EDC3: variants seen among roughly 807,000 people sequenced by gnomAD.
The protein encoded by EDC3 is enhancer of mRNA decapping 3, also known as enhancer of mRNA-decapping protein 3.
EDC3 carries 20 observed loss-of-function variants against 41.8 expected under a neutral mutation model. That is an observed-to-expected ratio of 0.48 (90% CI 0.34 to 0.70). The LOEUF (loss-of-function observed/expected upper bound fraction) is 0.70, where lower values mean the gene tolerates loss of function less well. Ranked by LOEUF, EDC3 falls within the 30% of genes least tolerant of loss-of-function variation. The probability of loss-of-function intolerance (pLI) is 0.01; values close to 1 mark genes in which losing one functional copy is unlikely to be tolerated. For missense variants in EDC3, 444 were observed against 636.8 expected, an observed-to-expected ratio of 0.70 and a Z score of 3.26; for synonymous variants, 206 against 243.2, an observed-to-expected ratio of 0.85 and a Z score of 1.42.
chr15:74,667,036 C>A (rs2062683433), intron 3 of EDC3, among the ~76,000 whole-genome samples: 1 of 152,106 alleles, frequency 6.6e-6, no homozygotes, highest in African/African-American at 2.4e-5. Context: ...GTTTGATAGT[C>A]TCCCACAGGA....
At chr15:74,665,809 TTTTTTTGAGACAGAG>T (rs2062670550) in intron 3 of EDC3, among the ~76,000 whole-genome samples, 2 of 151,798 alleles carry the variant, frequency 1.3e-5, no homozygotes, top group Non-Finnish European at 2.9e-5. Flanking sequence ...TTTTTTTTTT[TTTTTTTGAGACAGAG>T]TTTTGCTTTG....
chr15:74,686,476 A>T (rs186141496), intron 1 of EDC3, among the ~76,000 whole-genome samples: 1 of 150,130 alleles, frequency 6.7e-6, no homozygotes, highest in Non-Finnish European at 1.5e-5. Flanking sequence ...AACAAGAACA[A>T]GACTCCATCT....
chr15:74,675,001 G>T lies in EDC3; in HGVS notation c.124C>A (p.His42Asn). The change falls in exon 2 of 7, where the codon CAT becomes AAT. Residue 42 changes from histidine to asparagine, a missense_variant. Coordinates refer to ENST00000315127, the MANE Select transcript of EDC3 (RefSeq NM_025083.5). ...GGAACAAGACACTTCACTCCATTAT[G>T]GAAAGGCCGGGTGAGAGAAATGGTC... ...SQTISLTRPF[H>N]NGVKCLVPEV... 1 of 1,614,162 alleles carries T rather than the reference G, an allele frequency of 6.2e-7. No individual in the cohort carries two copies. The highest frequency in any genetic ancestry group is 1.1e-5 in the South Asian group (1 of 91,090).
At chr15:74,667,669 T>C (rs185309565) in intron 3 of EDC3, among the ~76,000 whole-genome samples, 25 of 151,534 alleles carry the variant, frequency 1.6e-4, no homozygotes, top group Non-Finnish European at 3.2e-4. Context: ...AAAACTGAAA[T>C]AATTTGAGTA....
At chr15:74,693,379 C>G (rs975003062) in intron 1 of EDC3, among the ~76,000 whole-genome samples, 14 of 152,078 alleles carry the variant, frequency 9.2e-5, no homozygotes, top group Non-Finnish European at 1.9e-4. Flanking sequence ...TTTATACATG[C>G]TTCCTTCATT....
At chr15:74,659,146 AAG>A (rs1468890763) in intron 3 of EDC3, among the ~76,000 whole-genome samples, 3 of 152,124 alleles carry the variant, frequency 2.0e-5, no homozygotes, top group African/African-American at 7.2e-5. Flanking sequence ...AAATACAACC[AAG>A]ACATGCTGCT....
intron 4 of EDC3, among the ~76,000 whole-genome samples, chr15:74,649,302 A>T (rs920576737): frequency 2.6e-5 from 4 of 151,070 alleles, no homozygotes; most frequent in South Asian, 2.1e-4. Flanking sequence ...TTTTATTTTT[A>T]TTTTTTTGTA....
chr15:74,694,853 A>G (rs1327417113), intron 1 of EDC3, among the ~76,000 whole-genome samples: 1 of 152,154 alleles, frequency 6.6e-6, no homozygotes, highest in Non-Finnish European at 1.5e-5. Context: ...TATGCCAAGG[A>G]GGCTCTACCA....
rs368101711 is a variant in EDC3, at chr15:74,635,385, G to A, written c.1192+24C>T. 76 of 1,611,198 alleles carry A rather than the reference G, an allele frequency of 4.7e-5. No homozygotes were observed. In the South Asian group the frequency reaches 4.8e-4, roughly 10 times the overall value. On this transcript the variant is annotated intron_variant, in intron 6 of 6. Coordinates refer to ENST00000315127, the MANE Select transcript of EDC3 (RefSeq NM_025083.5). ...CTGCTAAGGAGGGAGGAGGCCTTCAGCCCAGCCCTGCCTAAGTGCTCACCT... is the reference window on the plus strand; with the variant it reads ...CTGCTAAGGAGGGAGGAGGCCTTCAACCCAGCCCTGCCTAAGTGCTCACCT...
At chr15:74,674,735 C>T in intron 2 of EDC3, 1 of 547,368 alleles carries the variant, frequency 1.8e-6, no homozygotes, top group South Asian at 2.2e-5. Flanking sequence ...ACAGTATAGG[C>T]CGGGCATGGT....
intron 5 of EDC3, chr15:74,636,642 T>TA (rs946186814): frequency 6.6e-6 from 1 of 152,222 alleles, no homozygotes; most frequent in African/African-American, 2.4e-5. Flanking sequence ...GATAGTCACT[T>TA]ACCGGTTTCC....
intron 4 of EDC3, among the ~76,000 whole-genome samples, chr15:74,655,298 A>G (rs994541750): frequency 1.5e-4 from 23 of 152,226 alleles, no homozygotes; most frequent in African/African-American, 5.1e-4. Flanking sequence ...TTAAAACTCT[A>G]TTTTTAGCCA....
chr15:74,633,079 C>T lies in EDC3; in HGVS notation c.1193-133G>A, dbSNP rs975178990. 7.1e-6 allele frequency: 7 copies of T among 983,738 alleles called. No homozygotes were observed. In the African/African-American group the frequency reaches 1.1e-4, roughly 16 times the overall value. The allele number at this position is 983,738 out of a possible 1,614,324, so 60.9% of individuals were successfully genotyped here. A position where few individuals can be genotyped will look rare whatever the true frequency, so the allele number is the denominator to read the frequency against. On this transcript the variant is annotated intron_variant, in intron 6 of 6. Transcript: ENST00000315127. ...CTCGAATGCCTCTCCAAAGGCTGGCCTTCTTAAAGCTGGGCCAGGGCACAG... is the reference window on the plus strand; with the variant it reads ...CTCGAATGCCTCTCCAAAGGCTGGCTTTCTTAAAGCTGGGCCAGGGCACAG...
At chr15:74,692,777 TACA>T (rs1399413440) in intron 1 of EDC3, 1 of 152,230 alleles carries the variant, frequency 6.6e-6, no homozygotes, top group East Asian at 1.9e-4. Flanking sequence ...TGTATGTTTT[TACA>T]ACATCAAATT....
intron 1 of EDC3, among the ~76,000 whole-genome samples, chr15:74,684,334 C>A (rs577603437): frequency 6.6e-6 from 1 of 151,882 alleles, no homozygotes; most frequent in East Asian, 1.9e-4. Flanking sequence ...CCACACCCAG[C>A]TAATTTTTGT....
intron 3 of EDC3, among the ~76,000 whole-genome samples, chr15:74,659,341 A>C (rs1218051657): frequency 6.6e-6 from 1 of 151,986 alleles, no homozygotes; most frequent in African/African-American, 2.4e-5. Context: ...GCATGCCTGT[A>C]ATCCCAGCTA....
chr15:74,649,862 G>A (rs898009056), intron 4 of EDC3, among the ~76,000 whole-genome samples: 3 of 70,944 alleles, frequency 4.2e-5, no homozygotes, highest in Admixed American at 2.1e-4. Context: ...GGAAAAAAAG[G>A]GGGGGGGGGT....
chr15:74,634,701 A>G (rs1015732442), intron 6 of EDC3, among the ~76,000 whole-genome samples: 1 of 152,054 alleles, frequency 6.6e-6, no homozygotes, highest in African/African-American at 2.4e-5. Context: ...TCCAAAACTG[A>G]TTTAGAAACT....
chr15:74,680,698 C>G (rs1392524484), intron 1 of EDC3, among the ~76,000 whole-genome samples: 1 of 152,100 alleles, frequency 6.6e-6, no homozygotes, highest in African/African-American at 2.4e-5. Flanking sequence ...ACAAAACTAT[C>G]CCCATTTGCA....
Sources: allele counts gnomAD v4.1 joint callset (sites outside exome capture counted in the v4.1 genomes callset), GRCh38; gene constraint gnomAD v4.1.1; transcripts MANE v1.5; gene names NCBI Gene and HGNC (gene_info 2026-07-23, HGNC 2026-07-21).